FTCDNL1: variants seen among roughly 807,000 people sequenced by gnomAD.
FTCDNL1 encodes formiminotransferase N-terminal subdomain-containing protein.
FTCDNL1 carries 11 observed loss-of-function variants against 5.9 expected under a neutral mutation model. The observed-to-expected ratio is 1.87, with a 90% CI of 1.18 to 3.10. The LOEUF (loss-of-function observed/expected upper bound fraction) is 3.10, where lower values mean the gene tolerates loss of function less well. Ranked by LOEUF, FTCDNL1 falls within the 30% of genes most tolerant of loss-of-function variation. The pLI, the probability that FTCDNL1 is intolerant of heterozygous loss-of-function variation, is 0.00. For synonymous variants in FTCDNL1, 58 were observed against 24.8 expected (o/e 2.34, Z -3.99); for missense variants, 115 against 65.5 (o/e 1.76, Z -2.61).
intron 3 of FTCDNL1, among the ~76,000 whole-genome samples, chr2:199,781,504 A>G (rs1699358239): frequency 6.6e-6 from 1 of 152,202 alleles, no homozygotes; most frequent in Non-Finnish European, 1.5e-5. Context: ...CAATCCAATT[A>G]GCACAATGTC....
chr2:199,735,668 G>A, the FTCDNL1 span, among the ~76,000 whole-genome samples: 4,462 of 152,062 alleles, frequency 0.029, 227 homozygotes, highest in African/African-American at 0.1. Context: ...GTTCTTCCTC[G>A]TCTTTTCATG....
At chr2:199,804,698 G>A (rs1475690702), downstream of FTCDNL1, among the ~76,000 whole-genome samples, 1 of 152,132 alleles carries the variant, frequency 6.6e-6, no homozygotes, top group Non-Finnish European at 1.5e-5. Flanking sequence ...TGTGTTAGGA[G>A]CTATGTTCAC....
At chr2:199,764,506 A>G (rs1698419588) in intron 3 of FTCDNL1, among the ~76,000 whole-genome samples, 1 of 152,114 alleles carries the variant, frequency 6.6e-6, no homozygotes, top group Non-Finnish European at 1.5e-5. Context: ...GCTCCCCCAA[A>G]GCCTTCATTT....
At chr2:199,744,224 T>C in the FTCDNL1 span, among the ~76,000 whole-genome samples, 2 of 152,188 alleles carry the variant, frequency 1.3e-5, no homozygotes, top group East Asian at 3.8e-4. Context: ...TTTAAGCCCC[T>C]GCTATGGACT....
intron 3 of FTCDNL1, among the ~76,000 whole-genome samples, chr2:199,787,587 A>G (rs942461571): frequency 6.6e-6 from 1 of 152,232 alleles, no homozygotes; most frequent in Non-Finnish European, 1.5e-5. Flanking sequence ...TACCTACCAC[A>G]TACATGCAAT....
the FTCDNL1 span, among the ~76,000 whole-genome samples, chr2:199,697,208 C>G: frequency 2.6e-5 from 4 of 152,092 alleles, no homozygotes; most frequent in Non-Finnish European, 1.5e-5. Flanking sequence ...GGAGGCAGAG[C>G]TTGCAATGAG....
the FTCDNL1 span, among the ~76,000 whole-genome samples, chr2:199,746,903 C>T: frequency 1.1e-3 from 164 of 152,234 alleles, no homozygotes; most frequent in African/African-American, 3.6e-3. Flanking sequence ...CCCTCCCTCA[C>T]GCCTCCCACT....
the FTCDNL1 span, among the ~76,000 whole-genome samples, chr2:199,739,946 C>A: frequency 6.6e-6 from 1 of 152,036 alleles, no homozygotes; most frequent in Non-Finnish European, 1.5e-5. Context: ...GTGGGGTTTG[C>A]GAACTCTGGG....
the FTCDNL1 span, among the ~76,000 whole-genome samples, chr2:199,681,824 C>T: frequency 1.3e-5 from 2 of 152,016 alleles, no homozygotes; most frequent in South Asian, 4.2e-4. Flanking sequence ...CATGTAGCGT[C>T]GTCATTCCAA....
chr2:199,682,381 T>C, the FTCDNL1 span, among the ~76,000 whole-genome samples: 1 of 152,204 alleles, frequency 6.6e-6, no homozygotes, highest in Admixed American at 6.5e-5. Flanking sequence ...AGCCAATTCC[T>C]TAAATTAAAT....
intron 3 of FTCDNL1, among the ~76,000 whole-genome samples, chr2:199,840,091 G>A (rs115908932): frequency 4.7e-4 from 72 of 152,300 alleles, no homozygotes; most frequent in African/African-American, 1.7e-3. Flanking sequence ...CACACTGAGG[G>A]CAGCTAGTCC....
the FTCDNL1 span, among the ~76,000 whole-genome samples, chr2:199,734,319 T>C: frequency 6.6e-6 from 1 of 152,222 alleles, no homozygotes; most frequent in Non-Finnish European, 1.5e-5. Flanking sequence ...GCAGTGATTC[T>C]TAGAAGCAAA....
chr2:199,812,555 TAAAA>T lies in FTCDNL1; in HGVS notation c.*146_*149del. On this transcript the variant is annotated 3_prime_UTR_variant, in exon 5 of 5. Coordinates refer to ENST00000420128, the MANE Select transcript of FTCDNL1 (RefSeq NM_001363886.2). ...ATTAAAGTAATTCCACTTTTTGCTC[TAAAA>T]TTAGAAACCTGATGTGAAAGTTTGT... is the stretch of plus-strand genomic sequence containing the variant. 2.2e-6 allele frequency: 1 copy of T among 451,572 alleles called. No individual in the cohort carries two copies. The highest frequency in any genetic ancestry group is 2.0e-5 in the African/African-American group (1 of 49,788). The allele number at this position is 451,572 out of a possible 1,614,324, so 28.0% of individuals were successfully genotyped here.
chr2:199,833,508 G>A (rs1030693487), intron 3 of FTCDNL1, among the ~76,000 whole-genome samples: 1 of 152,224 alleles, frequency 6.6e-6, no homozygotes, highest in Admixed American at 6.5e-5. Flanking sequence ...CCAAAGAGTA[G>A]TTCAGATGGG....
the FTCDNL1 span, among the ~76,000 whole-genome samples, chr2:199,680,726 AT>A: frequency 2.6e-5 from 4 of 152,206 alleles, no homozygotes; most frequent in Non-Finnish European, 5.9e-5. Flanking sequence ...CAGAGAGTAG[AT>A]GGTATCTTTT....
chr2:199,762,701 T>C (rs1698328418), intron 3 of FTCDNL1, among the ~76,000 whole-genome samples: 1 of 152,224 alleles, frequency 6.6e-6, no homozygotes, highest in African/African-American at 2.4e-5. Context: ...GACTTTCAGG[T>C]GCCTTATCTG....
the FTCDNL1 span, among the ~76,000 whole-genome samples, chr2:199,682,456 T>A: frequency 6.6e-6 from 1 of 152,306 alleles, no homozygotes; most frequent in African/African-American, 2.4e-5. Flanking sequence ...CTAATACAAC[T>A]GTACTATATA....
the FTCDNL1 span, among the ~76,000 whole-genome samples, chr2:199,742,661 T>C: frequency 6.6e-6 from 1 of 152,228 alleles, no homozygotes; most frequent in South Asian, 2.1e-4. Flanking sequence ...TATATGATTA[T>C]CTCCATCTTA....
chr2:199,794,326 T>C (rs1370756853), intron 3 of FTCDNL1, among the ~76,000 whole-genome samples: 1 of 152,222 alleles, frequency 6.6e-6, no homozygotes, highest in Non-Finnish European at 1.5e-5. Context: ...ATAAAAGCAC[T>C]GTGGCCAAAG....
Sources: allele counts gnomAD v4.1 joint callset (sites outside exome capture counted in the v4.1 genomes callset), GRCh38; gene constraint gnomAD v4.1.1; transcripts MANE v1.5; gene names NCBI Gene and HGNC (gene_info 2026-07-23, HGNC 2026-07-21).